The following SUMF1 variants were observed in gnomAD, a reference collection of about 807,000 sequenced individuals.
SUMF1 encodes formylglycine-generating enzyme.
In SUMF1, 48 loss-of-function variants were observed where a neutral mutation model predicts 47.6. The ratio of observed to expected loss-of-function variants is 1.01; its 90% confidence interval spans 0.80 to 1.28. SUMF1 has a LOEUF of 1.28. Among genes scored for constraint, SUMF1 ranks in the 50% most tolerant of loss-of-function variants. SUMF1 has a pLI of 0.00. For synonymous variants in SUMF1, 230 were observed against 192.1 expected (o/e 1.20, Z -1.63); for missense variants, 571 against 485.4 (o/e 1.18, Z -1.66).
chr3:4,200,336 T>C (rs1695515235), intron 8 of SUMF1, among the ~76,000 whole-genome samples: 1 of 151,978 alleles, frequency 6.6e-6, no homozygotes, highest in African/African-American at 2.4e-5. Context: ...GTGAATTCAG[T>C]GGGCAAAATC....
chr3:4,203,653 GTCTTC>G (rs1302090539), intron 8 of SUMF1, among the ~76,000 whole-genome samples: 7 of 151,738 alleles, frequency 4.6e-5, no homozygotes, highest in African/African-American at 1.7e-4. Flanking sequence ...TTGTTTTGTG[GTCTTC>G]TCTTCCTTCC....
intron 1 of SUMF1, among the ~76,000 whole-genome samples, chr3:4,460,621 T>TGTGTGTGTGG (rs1214731917): frequency 3.4e-5 from 5 of 148,042 alleles, no homozygotes; most frequent in African/African-American, 1.3e-4. Flanking sequence ...TGTGTGTGTG[T>TGTGTGTGTGG]GTGAGAGTGT....
chr3:4,202,050 G>C (rs1325941935), intron 8 of SUMF1, among the ~76,000 whole-genome samples: 2 of 151,790 alleles, frequency 1.3e-5, no homozygotes, highest in Non-Finnish European at 2.9e-5. Context: ...CCATTCTGTG[G>C]GTTGTCTCTT....
intron 3 of SUMF1, among the ~76,000 whole-genome samples, chr3:4,426,919 C>A (rs985402448): frequency 1.3e-5 from 2 of 152,156 alleles, no homozygotes; most frequent in African/African-American, 4.8e-5. Flanking sequence ...ATGAGCCAGC[C>A]AGTGACCAAT....
downstream of SUMF1, among the ~76,000 whole-genome samples, chr3:4,360,228 G>A (rs1370039468): frequency 1.0e-5 from 1 of 99,136 alleles, no homozygotes; most frequent in Non-Finnish European, 1.8e-5. Context: ...TTTTTTGCCT[G>A]GGATTAATCA....
chr3:4,080,700 GAATAC>G (rs1228869771), intron 8 of SUMF1, among the ~76,000 whole-genome samples: 1 of 151,920 alleles, frequency 6.6e-6, no homozygotes, highest in Admixed American at 6.6e-5. Context: ...ACCAATAAAA[GAATAC>G]AATATAAAAC....
At chr3:4,128,217 A>G (rs544359313) in intron 8 of SUMF1, among the ~76,000 whole-genome samples, 2 of 152,182 alleles carry the variant, frequency 1.3e-5, no homozygotes, top group Non-Finnish European at 2.9e-5. Context: ...AGCTCTTATC[A>G]TGCGAGTGAC....
intron 8 of SUMF1, among the ~76,000 whole-genome samples, chr3:4,339,806 G>T (rs1699231703): frequency 6.6e-6 from 1 of 152,164 alleles, no homozygotes; most frequent in Non-Finnish European, 1.5e-5. Flanking sequence ...GCCAGGCATG[G>T]TGGCTCACGC....
chr3:4,078,926 T>C (rs1249002409), intron 8 of SUMF1, among the ~76,000 whole-genome samples: 2 of 152,022 alleles, frequency 1.3e-5, no homozygotes, highest in Non-Finnish European at 2.9e-5. Flanking sequence ...ACTCTTAAAA[T>C]CTCTTGAAGA....
At chr3:4,125,185 C>T (rs1360117874) in intron 8 of SUMF1, among the ~76,000 whole-genome samples, 2 of 152,002 alleles carry the variant, frequency 1.3e-5, no homozygotes, top group Non-Finnish European at 2.9e-5. Context: ...CCACTAGCCA[C>T]ATGTGGATAT....
At chr3:4,205,728 C>T (rs556634011) in intron 8 of SUMF1, among the ~76,000 whole-genome samples, 6 of 152,236 alleles carry the variant, frequency 3.9e-5, no homozygotes, top group Admixed American at 3.9e-4. Context: ...GGGAGAATTC[C>T]CTAGATTACC....
chr3:4,118,752 C>T (rs1693475503), intron 8 of SUMF1, among the ~76,000 whole-genome samples: 1 of 152,052 alleles, frequency 6.6e-6, no homozygotes, highest in Non-Finnish European at 1.5e-5. Flanking sequence ...CCAACCCTCC[C>T]TTAATTTCTA....
intron 9 of SUMF1, among the ~76,000 whole-genome samples, chr3:4,068,043 C>G (rs1559441798): frequency 6.6e-6 from 1 of 152,138 alleles, no homozygotes; most frequent in Non-Finnish European, 1.5e-5. Flanking sequence ...AACTTGTGTT[C>G]TTCCCTAGGC....
chr3:4,216,080 C>T (rs1014200706), intron 8 of SUMF1, among the ~76,000 whole-genome samples: 2 of 152,112 alleles, frequency 1.3e-5, no homozygotes, highest in Non-Finnish European at 2.9e-5. Context: ...CCCACATAGC[C>T]AAGACAATCC....
chr3:4,218,231 G>T (rs1050757040), intron 8 of SUMF1, among the ~76,000 whole-genome samples: 1 of 152,014 alleles, frequency 6.6e-6, no homozygotes, highest in Admixed American at 6.6e-5. Context: ...TTGACCTCAT[G>T]CTTCTAGCCT....
At chr3:4,105,187 C>T (rs758080406) in intron 8 of SUMF1, among the ~76,000 whole-genome samples, 7 of 152,036 alleles carry the variant, frequency 4.6e-5, no homozygotes, top group Admixed American at 2.0e-4. Flanking sequence ...CAGTCGAACT[C>T]ATAGAAGCAG....
Position 4,418,033 on chromosome 3 carries a change from G to A in SUMF1, c.702C>T (p.Ser234=). The change falls in exon 5 of 9, where the codon AGC becomes AGT. Residue 234 remains serine (S), a synonymous_variant. Transcript: ENST00000272902. ...RLPTEAEWEY[S]CRGGLHNRLF... ...ACCTATTATGCAGGCCTCCTCGACA[G>A]CTGTATTCCCACTCAGCTTCCGTGG... is the stretch of plus-strand genomic sequence containing the variant. 6.2e-7 allele frequency: 1 copy of A among 1,614,012 alleles called. No individual in the cohort carries two copies. The highest frequency in any genetic ancestry group is 8.5e-7 in the Non-Finnish European group (1 of 1,180,022).
chr3:4,177,236 A>G (rs915861273), intron 8 of SUMF1, among the ~76,000 whole-genome samples: 4 of 152,186 alleles, frequency 2.6e-5, no homozygotes, highest in African/African-American at 4.8e-5. Context: ...CAGAATATAT[A>G]TTCTTCTCAG....
At position 4,418,014 on chromosome 3, in the gene SUMF1, T is replaced by C; in HGVS notation, c.721A>G (p.Asn241Asp). The C allele has an allele frequency of 1.9e-6, 3 of 1,613,954 alleles. No homozygotes were observed. Among genetic ancestry groups the C allele is most frequent in the Non-Finnish European group, 1.7e-6 (2 of 1,180,034 alleles). Reference protein sequence around the residue: ...WEYSCRGGLHNRLFPWGNKLQ... With the variant: ...WEYSCRGGLHDRLFPWGNKLQ... ...AAAATGAGATCCTCTAAATACCTAT[T>C]ATGCAGGCCTCCTCGACAGCTGTAT... The change falls in exon 5 of 9, where the codon AAT becomes GAT. Residue 241 changes from asparagine to aspartate, a missense_variant. By Grantham distance (23) the Asn-to-Asp change is conservative (BLOSUM62 1). Transcript: ENST00000272902.
Sources: allele counts gnomAD v4.1 joint callset (sites outside exome capture counted in the v4.1 genomes callset), GRCh38; gene constraint gnomAD v4.1.1; transcripts MANE v1.5; gene names NCBI Gene and HGNC (gene_info 2026-07-23, HGNC 2026-07-21).